Variants in PHKG1 observed in about 807,000 individuals in gnomAD.
The protein encoded by PHKG1 is phosphorylase kinase catalytic subunit gamma 1.
In PHKG1, 48 loss-of-function variants were observed where a neutral mutation model predicts 50.5. The observed-to-expected ratio is 0.95, with a 90% CI of 0.75 to 1.21. The LOEUF (loss-of-function observed/expected upper bound fraction) is 1.21, where lower values mean the gene tolerates loss of function less well. Ranked by LOEUF, PHKG1 falls within the 50% of genes most tolerant of loss-of-function variation. The pLI is 0.00. For synonymous variants in PHKG1, 204 were observed against 212.8 expected, an observed-to-expected ratio of 0.96 and a Z score of 0.36; for missense variants, 487 against 519.5, an observed-to-expected ratio of 0.94 and a Z score of 0.61.
In PHKG1 at chr7:56,081,895, G is replaced by C. The variant is rs1300811735; in HGVS notation, c.790C>G (p.Leu264Val). The stretch of plus-strand genomic sequence containing the variant: ...AGCCAGTTGGCCTGGCCTCTCACCA[G>C]GTCCTTCACGGTGTCCGAGTAATCA... ...WDDYSDTVKD[L>V]VSRFLVVQPQ... The change falls in exon 8 of 10, where the codon CTG (leucine) becomes GTG (valine). Residue 264 changes from leucine (L) to valine (V), a missense_variant and splice_region_variant. Leu to Val is a conservative substitution (Grantham distance 32, BLOSUM62 1). Transcript: ENST00000297373. This position sits in a 1 kb window ranked among gnomAD's most constrained non-coding sequence, Gnocchi z 4.6. The C allele has an allele frequency of 6.2e-7, 1 of 1,613,286 alleles. No homozygotes were observed. Among genetic ancestry groups the C allele is most frequent in the Non-Finnish European group, 8.5e-7 (1 of 1,179,930 alleles).
rs1186045230 is a variant in PHKG1, at chr7:56,083,258, C to T, written c.547+20G>A. The T allele has an allele frequency of 6.2e-7, 1 of 1,612,436 alleles. No individual in the cohort carries two copies. The highest frequency in any genetic ancestry group is 1.7e-5 in the Admixed American group (1 of 59,966). On this transcript the variant is annotated intron_variant, in intron 6 of 9. Transcript: ENST00000297373. ...TGAGCACCCGAGGCCTGGACGTGGG[C>T]CAAGGCCATGTTACCAGACCTCGCA...
intron 4 of PHKG1, 66 bp downstream of exon 4, chr7:56,086,904 G>T: frequency 8.1e-7 from 1 of 1,235,726 alleles, no homozygotes; most frequent in Non-Finnish European, 1.2e-6. Flanking sequence ...GCAGCCCTGG[G>T]GTTGGGGAGG....
intron 1 of PHKG1, among the ~76,000 whole-genome samples, chr7:56,089,269 A>G (rs1796395100): frequency 6.6e-6 from 1 of 151,934 alleles, no homozygotes. Flanking sequence ...ATGTGGTGGC[A>G]CACGCTTGTA....
chr7:56,084,662 C>A lies in PHKG1; in HGVS notation c.318-947G>T, dbSNP rs567324518. The stretch of plus-strand genomic sequence containing the variant: ...TGTTGGGATTACAGGCGTGAGCCAC[C>A]ACGCCTGGCCGAGTATCCCGATTTT... On this transcript the variant is annotated intron_variant, in intron 4 of 9. Transcript: ENST00000297373. 4.6e-5 allele frequency among the ~76,000 whole-genome samples: 7 copies of A among 152,058 alleles called. No individual in the cohort carries two copies. In the East Asian group the frequency reaches 1.4e-3, roughly 30 times the overall value.
Position 56,081,161 on chromosome 7 carries a change from G to A in PHKG1, c.1057C>T (p.Arg353Ter), listed in dbSNP as rs1425155184. Residue 353 changes from arginine to a stop codon, truncating the protein, a stop_gained, in exon 10 of 10, where the codon CGA (arginine) becomes TGA (stop). Coordinates refer to ENST00000297373, the MANE Select transcript of PHKG1 (RefSeq NM_006213.5). LOFTEE classifies it high-confidence loss of function. The surrounding 1 kb of genome is among the most constrained non-coding windows in gnomAD (Gnocchi z 4.6). ...LRRLIDAYAF[R>*]IYGHWVKKGQ... is the part of the protein sequence containing the mutation. ...TTCTTCACCCAGTGGCCATAGATTC[G>A]GAAAGCGTAGGCGTCGATGAGCCGG... is the stretch of plus-strand genomic sequence containing the variant. 3.1e-6 allele frequency: 5 copies of A among 1,613,876 alleles called. No individual in the cohort carries two copies. Among genetic ancestry groups the A allele is most frequent in the Admixed American group, 3.3e-5 (2 of 60,006 alleles).
intron 1 of PHKG1, among the ~76,000 whole-genome samples, chr7:56,090,287 T>C (rs1480845368): frequency 6.6e-6 from 1 of 152,106 alleles, no homozygotes; most frequent in East Asian, 1.9e-4. Flanking sequence ...GGCTAATTTT[T>C]GTATTTTTAG....
rs199541903 is a variant in PHKG1, at chr7:56,081,268, C to A, written c.950G>T (p.Arg317Leu). The part of the protein sequence containing the change: ...VIALTVLASV[R>L]IYYQYRRVKP... ...CACCCGGCGGTACTGGTAGTAGATC[C>A]GCACTGAAGCCAGCACGGTCAGAGC... Residue 317 changes from arginine to leucine, a missense_variant, in exon 10 of 10, where the codon CGG becomes CTG. Coordinates refer to ENST00000297373, the MANE Select transcript of PHKG1 (RefSeq NM_006213.5). This position sits in a 1 kb window ranked among gnomAD's most constrained non-coding sequence, Gnocchi z 4.6. 7.1e-5 allele frequency: 115 copies of A among 1,612,092 alleles called. 1 individual carries two copies. The highest frequency in any genetic ancestry group is 6.9e-4 in the South Asian group (63 of 91,060).
chr7:56,090,455 T>C (rs537173324), intron 1 of PHKG1, among the ~76,000 whole-genome samples: 2 of 152,250 alleles, frequency 1.3e-5, no homozygotes, highest in African/African-American at 4.8e-5. Context: ...ACTTTCATAA[T>C]CACTCACTCA....
Position 56,083,727 on chromosome 7 carries a change from G to C in PHKG1, c.318-12C>G. Reference sequence around the variant, plus strand: ...CCCCTCTCTTCATCCTGTGGAAACAGAGGGTTGATAGCTGGATCGGTCCCA... The same window carrying C: ...CCCCTCTCTTCATCCTGTGGAAACACAGGGTTGATAGCTGGATCGGTCCCA... On this transcript the variant is annotated splice_polypyrimidine_tract_variant and intron_variant, in intron 4 of 9. Coordinates refer to ENST00000297373, the MANE Select transcript of PHKG1 (RefSeq NM_006213.5). The C allele has an allele frequency of 6.4e-7, 1 of 1,561,700 alleles. No homozygotes were observed. The highest frequency in any genetic ancestry group is 1.2e-5 in the South Asian group (1 of 85,900).
chr7:56,083,826 ACT>A (rs1208068477), intron 4 of PHKG1, 111 bp from the exon 5 acceptor site: 1 of 761,182 alleles, frequency 1.3e-6, no homozygotes, highest in Non-Finnish European at 2.3e-6. Context: ...TAAGTGGGCC[ACT>A]CTCCGTGGAG....
chr7:56,086,791 A>T (rs998886238), intron 4 of PHKG1, 179 bp downstream of exon 4: 14 of 609,048 alleles, frequency 2.3e-5, no homozygotes, highest in Non-Finnish European at 3.9e-5. Flanking sequence ...CAAGTGGTGA[A>T]CCCAGGTTTC....
At chr7:56,084,133 GC>G (rs1584624060) in intron 4 of PHKG1, 2 of 1,420,510 alleles carry the variant, frequency 1.4e-6, no homozygotes, top group East Asian at 2.5e-5. Flanking sequence ...CGAGCTGGTG[GC>G]CCTGTGAGCA....
chr7:56,081,216 G>A lies in PHKG1; in HGVS notation c.1002C>T (p.Ile334=), dbSNP rs1236531122. ...RVKPVTREIV[I]RDPYALRPLR... ...GAGGCCGGAGGGCATAGGGGTCTCG[G>A]ATGACGATCTCCCGGGTCACAGGCT... The change falls in exon 10 of 10, where the codon ATC becomes ATT. Residue 334 remains isoleucine (I), a synonymous_variant. Coordinates refer to ENST00000297373, the MANE Select transcript of PHKG1 (RefSeq NM_006213.5). The surrounding 1 kb of genome is among the most constrained non-coding windows in gnomAD (Gnocchi z 4.6). 6.2e-7 allele frequency: 1 copy of A among 1,613,758 alleles called. No individual in the cohort carries two copies. The highest frequency in any genetic ancestry group is 8.5e-7 in the Non-Finnish European group (1 of 1,179,978).
chr7:56,088,768 G>C, intron 2 of PHKG1, 91 bp downstream of exon 2: 1 of 802,914 alleles, frequency 1.2e-6, no homozygotes, highest in Non-Finnish European at 2.1e-6. Flanking sequence ...TGAAAGTGGC[G>C]TTAGTACTCG....
chr7:56,089,050 C>T lies in PHKG1; in HGVS notation c.-34-75G>A, dbSNP rs537011753. On this transcript the variant is annotated intron_variant, in intron 1 of 9. Coordinates refer to ENST00000297373, the MANE Select transcript of PHKG1 (RefSeq NM_006213.5). ...TTCTCCTTGGGGTCTGGAACTGTTTCTCACTCATCCTTACATCTCCTGGCA... is the reference window on the plus strand; with the variant it reads ...TTCTCCTTGGGGTCTGGAACTGTTTTTCACTCATCCTTACATCTCCTGGCA... 18 of 693,656 alleles carry T rather than the reference C, an allele frequency of 2.6e-5. No individual in the cohort carries two copies. In the South Asian group the frequency reaches 2.7e-4, roughly 11 times the overall value. 43.0% of individuals were successfully genotyped at this position (693,656 alleles called of 1,614,324 possible).
At chr7:56,092,091 T>C (rs1384127203) in intron 1 of PHKG1, among the ~76,000 whole-genome samples, 1 of 152,240 alleles carries the variant, frequency 6.6e-6, no homozygotes, top group Non-Finnish European at 1.5e-5. Context: ...CCTCCAGTCC[T>C]TGGCACAGCC....
intron 1 of PHKG1, among the ~76,000 whole-genome samples, chr7:56,091,276 GGAGGCC>G (rs945381003): frequency 6.6e-6 from 1 of 152,020 alleles, no homozygotes; most frequent in Non-Finnish European, 1.5e-5. Flanking sequence ...CAGCACTTTG[GGAGGCC>G]GAGGCAGGAG....
intron 4 of PHKG1, among the ~76,000 whole-genome samples, chr7:56,085,217 T>G (rs1796202950): frequency 6.6e-6 from 1 of 152,054 alleles, no homozygotes; most frequent in Non-Finnish European, 1.5e-5. Context: ...TGCCTCAGCC[T>G]CCCAAAGTAC....
In PHKG1 at chr7:56,081,222, G is replaced by A. The variant is rs368804267; in HGVS notation, c.996C>T (p.Ile332=). 10 of 1,613,746 alleles carry A rather than the reference G, an allele frequency of 6.2e-6. No homozygotes were observed. Among genetic ancestry groups the A allele is most frequent in the Admixed American group, 5.0e-5 (3 of 60,028 alleles). ...YRRVKPVTRE[I]VIRDPYALRP... ...GGAGGGCATAGGGGTCTCGGATGAC[G>A]ATCTCCCGGGTCACAGGCTTCACCC... The change falls in exon 10 of 10, where the codon ATC becomes ATT. Residue 332 remains isoleucine, a synonymous_variant. Transcript: ENST00000297373. The surrounding 1 kb of genome is among the most constrained non-coding windows in gnomAD (Gnocchi z 4.6).
Sources: gnomAD v4.1 joint callset for allele counts (sites outside exome capture counted in the v4.1 genomes callset) on GRCh38, gnomAD v4.1.1 for gene constraint, Gnocchi (gnomAD v3.1) non-coding constraint, MANE v1.5 for transcripts, NCBI Gene and HGNC (gene_info 2026-07-23, HGNC 2026-07-21) for gene names.